Variants in ST6GAL1 observed in about 807,000 individuals in gnomAD.
The protein encoded by ST6GAL1 is ST6 beta-galactoside alpha-2,6-sialyltransferase 1.
Under a neutral mutation model 38.0 loss-of-function variants are expected in ST6GAL1, and 20 were observed. The ratio of observed to expected loss-of-function variants is 0.53; its 90% confidence interval spans 0.37 to 0.77. ST6GAL1 has a LOEUF of 0.77. Ranked by LOEUF, ST6GAL1 falls within the 30% of genes least tolerant of loss-of-function variation. The pLI, the probability that ST6GAL1 is intolerant of heterozygous loss-of-function variation, is 0.00. For missense variants in ST6GAL1, 432 were observed against 496.4 expected (o/e 0.87, Z 1.23); for synonymous variants, 196 against 188.2 (o/e 1.04, Z -0.34).
chr3:187,074,057 T>C, intron 6 of ST6GAL1, 102 bp from the exon 7 acceptor site: 1 of 1,111,076 alleles, frequency 9.0e-7, no homozygotes. Context: ...CAACACTTGT[T>C]GATCCTTTCC....
At chr3:186,969,639 T>C (rs2108530593) in intron 2 of ST6GAL1, among the ~76,000 whole-genome samples, 1 of 152,328 alleles carries the variant, frequency 6.6e-6, no homozygotes, top group Middle Eastern at 3.4e-3. Context: ...TGACAGGAGA[T>C]GGAAGCAAGT....
intron 1 of ST6GAL1, among the ~76,000 whole-genome samples, chr3:186,961,477 C>T (rs914560967): frequency 6.6e-6 from 1 of 152,134 alleles, no homozygotes; most frequent in Non-Finnish European, 1.5e-5. Flanking sequence ...CAGGGGAAGT[C>T]CAGATGAATG....
intron 2 of ST6GAL1, among the ~76,000 whole-genome samples, chr3:186,968,495 T>C (rs1430524030): frequency 6.6e-6 from 1 of 152,186 alleles, no homozygotes; most frequent in Non-Finnish European, 1.5e-5. Context: ...CCTAAAAGTG[T>C]CCTTCCGAGC....
At chr3:187,006,834 A>G (rs1716800491) in intron 2 of ST6GAL1, among the ~76,000 whole-genome samples, 3 of 152,174 alleles carry the variant, frequency 2.0e-5, no homozygotes, top group Admixed American at 2.0e-4. Flanking sequence ...ATTTGGCTTT[A>G]AGTTTTATTC....
chr3:187,033,974 G>A (rs1285084327), intron 2 of ST6GAL1, among the ~76,000 whole-genome samples: 1 of 152,084 alleles, frequency 6.6e-6, no homozygotes, highest in East Asian at 1.9e-4. Context: ...ACCAAAAGTT[G>A]GTTCTTTGAA....
rs777979376 is a variant in ST6GAL1 at position 186,939,756 on chromosome 3, TGTG to T, written c.-325+8928_-325+8930del. Among the ~76,000 whole-genome samples the T allele has an allele frequency of 7.2e-5, 11 of 152,296 alleles. No individual in the cohort carries two copies. The East Asian group carries it at 7.7e-4, about 11-fold the overall frequency. ...TGCTGCCGGTCTCTCATGCCGAAGA[TGTG>T]GTGGTAGCTCAGATGAGCACCTGAC... is the stretch of plus-strand genomic sequence containing the variant. On this transcript the variant is annotated intron_variant, in intron 1 of 7. Transcript: ENST00000169298.
At chr3:186,976,370 T>G (rs76740908) in intron 2 of ST6GAL1, among the ~76,000 whole-genome samples, 1,901 of 152,362 alleles carry the variant, frequency 0.012, 41 homozygotes, top group African/African-American at 0.044. Flanking sequence ...GTCCATTTAC[T>G]GAGTGCCTAC....
intron 5 of ST6GAL1, among the ~76,000 whole-genome samples, chr3:187,066,611 T>C (rs1446192623): frequency 3.3e-5 from 5 of 151,774 alleles, no homozygotes; most frequent in Admixed American, 6.6e-5. Flanking sequence ...CGTGTGTGTG[T>C]GTGTGTGTGT....
At chr3:186,968,196 A>G (rs1353051583) in intron 2 of ST6GAL1, among the ~76,000 whole-genome samples, 2 of 152,212 alleles carry the variant, frequency 1.3e-5, no homozygotes, top group Non-Finnish European at 2.9e-5. Context: ...TGACCTGACC[A>G]TAGCTGCATG....
intron 5 of ST6GAL1, among the ~76,000 whole-genome samples, chr3:187,058,232 C>G (rs2108592521): frequency 6.6e-6 from 1 of 152,290 alleles, no homozygotes; most frequent in South Asian, 2.1e-4. Context: ...AGGGAAGTCC[C>G]CTGACCCCTT....
intron 1 of ST6GAL1, among the ~76,000 whole-genome samples, chr3:186,937,271 G>A (rs1344157539): frequency 1.3e-5 from 2 of 152,052 alleles, no homozygotes; most frequent in Non-Finnish European, 2.9e-5. Flanking sequence ...TGGGCCCCTG[G>A]GATCTGATCA....
intron 2 of ST6GAL1, among the ~76,000 whole-genome samples, chr3:186,994,669 A>G (rs1283646254): frequency 1.3e-5 from 2 of 152,078 alleles, no homozygotes; most frequent in African/African-American, 4.8e-5. Context: ...AGACCCTTTA[A>G]AAATAGGCCG....
intron 4 of ST6GAL1, among the ~76,000 whole-genome samples, chr3:187,048,529 C>A (rs1718386144): frequency 6.6e-6 from 1 of 152,276 alleles, no homozygotes; most frequent in Admixed American, 6.5e-5. Flanking sequence ...GTGTCTCTGG[C>A]ACACAGCTCA....
intron 1 of ST6GAL1, among the ~76,000 whole-genome samples, chr3:186,934,824 T>C (rs529421326): frequency 6.6e-5 from 10 of 151,876 alleles, no homozygotes; most frequent in African/African-American, 2.4e-4. Context: ...TGGAGTGCAG[T>C]GGTGCAATCT....
Position 187,030,252 on chromosome 3 carries a change from A to G in ST6GAL1, c.-182-8490A>G, listed in dbSNP as rs193064295. On this transcript the variant is annotated intron_variant, in intron 2 of 7. Coordinates refer to ENST00000169298, the MANE Select transcript of ST6GAL1 (RefSeq NM_173216.2). ...GGGTCATAGGTAGCGCTGTCTGCACAGGGTCTCTGTGAGGATGACATGCAT... is the reference window on the plus strand; with the variant it reads ...GGGTCATAGGTAGCGCTGTCTGCACGGGGTCTCTGTGAGGATGACATGCAT... Among the ~76,000 whole-genome samples the G allele has an allele frequency of 9.2e-5, 14 of 152,272 alleles. No individual in the cohort carries two copies. The East Asian group carries it at 2.5e-3, about 27-fold the overall frequency.
chr3:187,039,962 T>A (rs78057658), intron 3 of ST6GAL1, among the ~76,000 whole-genome samples: 1 of 152,196 alleles, frequency 6.6e-6, no homozygotes, highest in African/African-American at 2.4e-5. Context: ...CCCAGCTGTT[T>A]GGAGGAACTC....
At chr3:186,976,195 T>C (rs2108534723) in intron 2 of ST6GAL1, among the ~76,000 whole-genome samples, 1 of 152,306 alleles carries the variant, frequency 6.6e-6, no homozygotes, top group South Asian at 2.1e-4. Context: ...TTGTGGGTCT[T>C]TCCTTTGCTT....
chr3:186,999,494 C>T (rs1716541147), intron 2 of ST6GAL1, among the ~76,000 whole-genome samples: 1 of 151,048 alleles, frequency 6.6e-6, no homozygotes, highest in Non-Finnish European at 1.5e-5. Context: ...TCACTGCAAG[C>T]TCCGCCTCCC....
chr3:186,973,009 T>C (rs986869986), intron 2 of ST6GAL1, among the ~76,000 whole-genome samples: 7 of 152,162 alleles, frequency 4.6e-5, no homozygotes, highest in Non-Finnish European at 1.0e-4. Flanking sequence ...GGATCACCGC[T>C]GGGAAGATAC....
Sources: allele counts gnomAD v4.1 joint callset (sites outside exome capture counted in the v4.1 genomes callset), GRCh38; gene constraint gnomAD v4.1.1; transcripts MANE v1.5; gene names NCBI Gene and HGNC (gene_info 2026-07-23, HGNC 2026-07-21).